The following PLSCR2 variants were observed in gnomAD, a reference collection of about 807,000 sequenced individuals.
PLSCR2 encodes PL scramblase 2.
A neutral mutation model predicts 25.3 loss-of-function variants in PLSCR2; 18 were observed. The observed-to-expected ratio is 0.71, with a 90% CI of 0.49 to 1.06. The LOEUF (loss-of-function observed/expected upper bound fraction) is 1.06, where lower values mean the gene tolerates loss of function less well. PLSCR2 is among the 50% of genes least tolerant of loss of function. PLSCR2 has a pLI of 0.00. For synonymous variants in PLSCR2, 88 were observed against 87.3 expected, an observed-to-expected ratio of 1.01 and a Z score of -0.04; for missense variants, 243 against 269.5, an observed-to-expected ratio of 0.90 and a Z score of 0.69.
chr3:146,406,846 G>C (rs1012625321), intron 2 of PLSCR2, among the ~76,000 whole-genome samples: 1 of 152,188 alleles, frequency 6.6e-6, no homozygotes, highest in Admixed American at 6.5e-5. Context: ...TGGCTGGAAT[G>C]AATGGCAGGA....
chr3:146,442,592 G>A (rs574558507), intron 6 of PLSCR2, among the ~76,000 whole-genome samples: 5 of 152,050 alleles, frequency 3.3e-5, no homozygotes, highest in South Asian at 2.1e-4. Context: ...AAACAGCTTC[G>A]TACTTGCATA....
chr3:146,453,241 A>G (rs2041004503), intron 5 of PLSCR2, among the ~76,000 whole-genome samples: 1 of 152,068 alleles, frequency 6.6e-6, no homozygotes, highest in African/African-American at 2.4e-5. Context: ...TAAGTGAGGT[A>G]GCCCTACTCA....
intron 1 of PLSCR2, among the ~76,000 whole-genome samples, chr3:146,488,088 C>A (rs1335980960): frequency 6.6e-6 from 1 of 151,968 alleles, no homozygotes; most frequent in Non-Finnish European, 1.5e-5. Context: ...AAAATTATTC[C>A]CTATTTAATA....
At chr3:146,440,613 G>C (rs567906427), downstream of PLSCR2, among the ~76,000 whole-genome samples, 14 of 152,310 alleles carry the variant, frequency 9.2e-5, no homozygotes, top group South Asian at 2.9e-3. Context: ...CATTTTCTCA[G>C]TTGGAAAAGC....
chr3:146,400,819 G>T (rs1048133338), intron 2 of PLSCR2, among the ~76,000 whole-genome samples: 3 of 151,780 alleles, frequency 2.0e-5, no homozygotes, highest in Non-Finnish European at 4.4e-5. Flanking sequence ...TACATAGGTA[G>T]AACGATGGAA....
chr3:146,445,978 A>C (rs2040533373), intron 6 of PLSCR2, among the ~76,000 whole-genome samples: 1 of 152,082 alleles, frequency 6.6e-6, no homozygotes, highest in African/African-American at 2.4e-5. Context: ...TCAACTCCAG[A>C]ATTTCTGCTT....
At chr3:146,454,322 G>A (rs6786556) in intron 4 of PLSCR2, among the ~76,000 whole-genome samples, 159 bp from the exon 5 acceptor site, 14,004 of 151,950 alleles carry the variant, frequency 0.092, 877 homozygotes, top group African/African-American at 0.18. Flanking sequence ...GTATTTTAAT[G>A]TGCTAGTCAA....
At chr3:146,480,982 A>G (rs946388112) in intron 1 of PLSCR2, among the ~76,000 whole-genome samples, 4 of 152,098 alleles carry the variant, frequency 2.6e-5, no homozygotes, top group Middle Eastern at 3.2e-3. Flanking sequence ...ATGACAAAAA[A>G]CACATGATTA....
chr3:146,483,479 G>GTGTATATATA (rs571463617), intron 1 of PLSCR2, among the ~76,000 whole-genome samples: 2 of 54,824 alleles, frequency 3.6e-5, no homozygotes, highest in African/African-American at 8.4e-5. Flanking sequence ...ATATACATGT[G>GTGTATATATA]TATATATATA....
intron 2 of PLSCR2, among the ~76,000 whole-genome samples, chr3:146,401,154 A>G (rs938674386): frequency 2.6e-4 from 40 of 152,192 alleles, no homozygotes; most frequent in African/African-American, 9.6e-4. Flanking sequence ...GAAAACATCT[A>G]AAGATTTTAT....
intron 3 of PLSCR2, among the ~76,000 whole-genome samples, chr3:146,392,218 A>C (rs1158872753): frequency 6.6e-6 from 1 of 152,124 alleles, no homozygotes; most frequent in East Asian, 1.9e-4. Context: ...TATATTGTAC[A>C]CAATTATTTG....
intron 2 of PLSCR2, among the ~76,000 whole-genome samples, chr3:146,418,356 C>G (rs139858838): frequency 1.0e-3 from 155 of 152,198 alleles, no homozygotes; most frequent in African/African-American, 3.4e-3. Flanking sequence ...GCTGAAACAT[C>G]CAAAATCTCA....
intron 1 of PLSCR2, among the ~76,000 whole-genome samples, chr3:146,493,784 T>A (rs969034340): frequency 4.8e-4 from 5 of 10,340 alleles, no homozygotes; most frequent in African/African-American, 1.8e-3. Context: ...CAAGGTGGCG[T>A]TTTTTTTTTT....
intron 2 of PLSCR2, among the ~76,000 whole-genome samples, chr3:146,459,305 A>C (rs2041412494): frequency 6.6e-6 from 1 of 152,184 alleles, no homozygotes; most frequent in Admixed American, 6.5e-5. Flanking sequence ...GCTTACTAAA[A>C]CTCAACTCTA....
At chr3:146,434,789 T>C (rs1435735145) in intron 8 of PLSCR2, among the ~76,000 whole-genome samples, 8 of 152,270 alleles carry the variant, frequency 5.3e-5, no homozygotes, top group Non-Finnish European at 1.2e-4. Flanking sequence ...TTTATTATTA[T>C]ACTTTAAGTT....
intron 1 of PLSCR2, among the ~76,000 whole-genome samples, chr3:146,494,320 T>C (rs1181439518): frequency 6.6e-6 from 1 of 152,174 alleles, no homozygotes; most frequent in East Asian, 1.9e-4. Context: ...CATAAATATT[T>C]CATATACATG....
At chr3:146,473,506 A>G (rs896279398) in intron 1 of PLSCR2, among the ~76,000 whole-genome samples, 2 of 151,946 alleles carry the variant, frequency 1.3e-5, no homozygotes, top group Non-Finnish European at 1.5e-5. Flanking sequence ...GGGTTTCGCC[A>G]TGTTGGTCAG....
chr3:146,445,187 G>A (rs1328024690), intron 6 of PLSCR2, among the ~76,000 whole-genome samples: 1 of 152,042 alleles, frequency 6.6e-6, no homozygotes, highest in Admixed American at 6.6e-5. Context: ...TAGCATATGA[G>A]TAGTTTGCAC....
chr3:146,467,682 T>C (rs1030624400), intron 1 of PLSCR2, among the ~76,000 whole-genome samples: 2 of 145,508 alleles, frequency 1.4e-5, no homozygotes, highest in African/African-American at 5.0e-5. Context: ...TTAAGCACTA[T>C]GAATACAAAT....
Sources: allele counts gnomAD v4.1 joint callset (sites outside exome capture counted in the v4.1 genomes callset), GRCh38; gene constraint gnomAD v4.1.1; transcripts MANE v1.5; gene names NCBI Gene and HGNC (gene_info 2026-07-23, HGNC 2026-07-21).